Variants in PCDH15 observed in about 807,000 individuals in gnomAD.
The protein encoded by PCDH15 is protocadherin related 15, also known as protocadherin-15.
Under a neutral mutation model 178.5 loss-of-function variants are expected in PCDH15, and 129 were observed. The ratio of observed to expected loss-of-function variants is 0.72; its 90% CI spans 0.63 to 0.84. The LOEUF (loss-of-function observed/expected upper bound fraction) is 0.84. Ranked by LOEUF, PCDH15 falls within the 40% of genes least tolerant of loss-of-function variation. PCDH15 has a pLI of 0.00. For missense variants in PCDH15, 2,230 were observed against 2,099.9 expected (o/e 1.06, Z -1.21); for synonymous variants, 800 against 732.0 (o/e 1.09, Z -1.50).
chr10:54,487,854 T>G (rs1353564028), intron 3 of PCDH15, among the ~76,000 whole-genome samples: 1 of 151,952 alleles, frequency 6.6e-6, no homozygotes, highest in Non-Finnish European at 1.5e-5. Flanking sequence ...TGTAATGTCC[T>G]AGCCTTTCAT....
chr10:54,431,279 T>C (rs1956942232), intron 3 of PCDH15, among the ~76,000 whole-genome samples: 1 of 151,234 alleles, frequency 6.6e-6, no homozygotes, highest in African/African-American at 2.5e-5. Flanking sequence ...TATCCTGATA[T>C]CAAAATCAGA....
At chr10:55,310,750 C>G (rs1459706614) in intron 1 of PCDH15, among the ~76,000 whole-genome samples, 1 of 152,158 alleles carries the variant, frequency 6.6e-6, no homozygotes, top group East Asian at 1.9e-4. Context: ...TGGAAGCCAT[C>G]ATCCACAGCA....
chr10:55,510,532 T>TA (rs1278082628), intron 2 of PCDH15, among the ~76,000 whole-genome samples: 34 of 152,102 alleles, frequency 2.2e-4, no homozygotes, highest in African/African-American at 8.2e-4. Context: ...GTCCTAATCT[T>TA]AAAAGTCCAT....
rs566049977 is a variant in PCDH15, at chr10:55,444,182, T to A, written c.-156+183443A>T. ...TTAGCATTAGGAGAAATACCTAATG[T>A]AGATGATGGGTGGATGGGTGCAGCA... On this transcript the variant is annotated intron_variant, in intron 2 of 5. Coordinates refer to the PCDH15 transcript ENST00000613346. Among the ~76,000 whole-genome samples, 479 of 151,466 alleles carry A rather than the reference T, an allele frequency of 3.2e-3. 3 individuals carry two copies. Among genetic ancestry groups the A allele is most frequent in the African/African-American group, 0.011 (453 of 41,216 alleles).
intron 2 of PCDH15, among the ~76,000 whole-genome samples, chr10:55,369,973 A>C (rs1845462927): frequency 6.6e-6 from 1 of 152,062 alleles, no homozygotes; most frequent in Non-Finnish European, 1.5e-5. Flanking sequence ...AAAATCAGGG[A>C]CCATCCATCA....
In PCDH15 at chr10:55,334,262, G is replaced by A. The variant is rs1435992620; in HGVS notation, c.-155-167611C>T. On this transcript the variant is annotated intron_variant, in intron 2 of 5. Coordinates refer to the PCDH15 transcript ENST00000613346. ...TATATATGTGTGTGTGTGTGTGTGT[G>A]TGTGTGTGTGTGTGTGTGTGTGTAT... Among the ~76,000 whole-genome samples, 257 of 123,706 alleles carry A rather than the reference G, an allele frequency of 2.1e-3. 3 individuals are homozygous for A. Among genetic ancestry groups the A allele is most frequent in the Admixed American group, 0.012 (156 of 12,804 alleles). 81.2% of individuals were successfully genotyped at this position (123,706 alleles called of 152,430 possible).
At chr10:54,375,569 TA>T (rs1293787944) in intron 4 of PCDH15, among the ~76,000 whole-genome samples, 1 of 151,904 alleles carries the variant, frequency 6.6e-6, no homozygotes, top group Non-Finnish European at 1.5e-5. Flanking sequence ...TAACTTTGAT[TA>T]AAATCAGAAT....
At chr10:55,588,562 T>G (rs2132128488) in intron 2 of PCDH15, among the ~76,000 whole-genome samples, 1 of 152,220 alleles carries the variant, frequency 6.6e-6, no homozygotes, top group Admixed American at 6.5e-5. Context: ...TTCATAATTT[T>G]ATTAAGATGG....
chr10:54,202,845 C>T (rs971205657), intron 10 of PCDH15, among the ~76,000 whole-genome samples: 3 of 150,504 alleles, frequency 2.0e-5, no homozygotes, highest in Non-Finnish European at 4.4e-5. Flanking sequence ...GTTTCCCACA[C>T]CCTATCCACA....
intron 25 of PCDH15, among the ~76,000 whole-genome samples, chr10:53,910,123 G>A (rs2082970876): frequency 6.6e-6 from 1 of 152,188 alleles, no homozygotes; most frequent in African/African-American, 2.4e-5. Flanking sequence ...AGTCTTAAAT[G>A]TCCTGGTCTG....
intron 1 of PCDH15, among the ~76,000 whole-genome samples, chr10:55,235,197 C>T (rs1252115688): frequency 2.6e-5 from 4 of 152,098 alleles, no homozygotes; most frequent in Non-Finnish European, 4.4e-5. Context: ...CAATTTTATA[C>T]ATGGGTAAGT....
chr10:54,262,224 G>C (rs1487114790), intron 8 of PCDH15, among the ~76,000 whole-genome samples: 2 of 152,058 alleles, frequency 1.3e-5, no homozygotes, highest in African/African-American at 4.8e-5. Flanking sequence ...TGCAACCCTA[G>C]GTGCCCATCC....
chr10:54,346,279 C>G (rs1943267104), intron 6 of PCDH15, 86 bp downstream of exon 6: 1 of 1,297,658 alleles, frequency 7.7e-7, no homozygotes, highest in Non-Finnish European at 1.1e-6. Context: ...CTGGAAGTTA[C>G]TGAATAATAC....
intron 2 of PCDH15, among the ~76,000 whole-genome samples, chr10:55,418,872 T>G (rs2132042900): frequency 6.6e-6 from 1 of 151,888 alleles, no homozygotes; most frequent in Admixed American, 6.6e-5. Flanking sequence ...AAGCAGAAGT[T>G]ATTATAAAGT....
At chr10:55,467,402 C>A (rs1589054104) in intron 2 of PCDH15, among the ~76,000 whole-genome samples, 1 of 142,254 alleles carries the variant, frequency 7.0e-6, no homozygotes, top group African/African-American at 2.6e-5. Flanking sequence ...TTAACTAGGG[C>A]ATTGCCCTGG....
chr10:54,887,356 G>A (rs2131812048), intron 3 of PCDH15, among the ~76,000 whole-genome samples: 1 of 152,116 alleles, frequency 6.6e-6, no homozygotes, highest in Middle Eastern at 3.4e-3. Flanking sequence ...TGTTTATTTT[G>A]TATAGCTGTA....
intron 3 of PCDH15, among the ~76,000 whole-genome samples, chr10:54,871,449 C>A (rs367644852): frequency 7.7e-5 from 11 of 143,662 alleles, no homozygotes; most frequent in African/African-American, 2.3e-4. Context: ...AACACTGTAA[C>A]TCACGTTACC....
At chr10:54,342,971 T>C (rs1942535285) in intron 6 of PCDH15, among the ~76,000 whole-genome samples, 1 of 152,198 alleles carries the variant, frequency 6.6e-6, no homozygotes, top group African/African-American at 2.4e-5. Context: ...ATCTTGGAAG[T>C]AACAACTTGT....
At chr10:54,444,169 G>T (rs1219417599) in intron 3 of PCDH15, among the ~76,000 whole-genome samples, 1 of 151,518 alleles carries the variant, frequency 6.6e-6, no homozygotes, top group Non-Finnish European at 1.5e-5. Context: ...TATAAAATTG[G>T]TATCTGAAAA....
Sources: allele counts gnomAD v4.1 joint callset (sites outside exome capture counted in the v4.1 genomes callset), GRCh38; gene constraint gnomAD v4.1.1; transcripts MANE v1.5; gene names NCBI Gene and HGNC (gene_info 2026-07-23, HGNC 2026-07-21).